Variants in OTOA observed in about 807,000 individuals in gnomAD.
OTOA encodes the protein cancer/testis antigen 108.
Under a neutral mutation model 110.8 loss-of-function variants are expected in OTOA, and 70 were observed. The ratio of observed to expected loss-of-function variants is 0.63; its 90% confidence interval spans 0.52 to 0.77. The LOEUF (loss-of-function observed/expected upper bound fraction) is 0.77. OTOA is among the 30% of genes least tolerant of loss of function. OTOA has a pLI of 0.00. For synonymous variants in OTOA, 373 were observed against 431.5 expected (o/e 0.86, Z 1.68); for missense variants, 917 against 1,075.8 (o/e 0.85, Z 2.06).
intron 13 of OTOA, among the ~76,000 whole-genome samples, chr16:21,712,899 T>C (rs1292723140): frequency 1.3e-5 from 2 of 152,138 alleles, no homozygotes; most frequent in Admixed American, 6.6e-5. Context: ...TTAAGAGTTA[T>C]AGAGTAGAAT....
At chr16:21,690,084 T>A (rs1005972844) in intron 8 of OTOA, among the ~76,000 whole-genome samples, 10 of 152,026 alleles carry the variant, frequency 6.6e-5, no homozygotes, top group African/African-American at 2.4e-4. Context: ...GGTGAGGAAG[T>A]GGAGACAATA....
chr16:21,686,566 T>C (rs955676979), intron 7 of OTOA, among the ~76,000 whole-genome samples: 1 of 152,096 alleles, frequency 6.6e-6, no homozygotes, highest in Non-Finnish European at 1.5e-5. Flanking sequence ...ATGCTGGGGT[T>C]ATAGATGTGA....
intron 19 of OTOA, 145 bp from the exon 20 acceptor site, chr16:21,728,096 C>A: frequency 1.0e-6 from 1 of 996,316 alleles, no homozygotes; most frequent in South Asian, 1.3e-5. Context: ...AACTCCTGGC[C>A]TCAAATGATC....
chr16:21,693,553 A>G (rs1330475324), intron 9 of OTOA, among the ~76,000 whole-genome samples: 2 of 152,128 alleles, frequency 1.3e-5, no homozygotes, highest in Admixed American at 1.3e-4. Flanking sequence ...GAGAACTTAG[A>G]AATTTAGATA....
At chr16:21,719,548 C>A in intron 17 of OTOA, 44 bp downstream of exon 17, 1 of 1,538,934 alleles carries the variant, frequency 6.5e-7, no homozygotes, top group Non-Finnish European at 9.0e-7. Context: ...CTCTCCCTAC[C>A]CCAGTCACTG....
At chr16:21,669,244 G>A (rs986714487) in intron 1 of OTOA, among the ~76,000 whole-genome samples, 1 of 152,060 alleles carries the variant, frequency 6.6e-6, no homozygotes, top group Non-Finnish European at 1.5e-5. Flanking sequence ...TCGGGAGGTT[G>A]AGACACAAGA....
chr16:21,695,367 C>T (rs1194756231), intron 9 of OTOA, among the ~76,000 whole-genome samples: 1 of 149,394 alleles, frequency 6.7e-6, no homozygotes, highest in African/African-American at 2.5e-5. Flanking sequence ...GCCTGGACAA[C>T]AGAGGAAGAA....
At chr16:21,705,776 T>C (rs1898152967) in intron 12 of OTOA, among the ~76,000 whole-genome samples, 1 of 152,012 alleles carries the variant, frequency 6.6e-6, no homozygotes, top group African/African-American at 2.4e-5. Flanking sequence ...AAACCCTGTC[T>C]CTACTAAAAA....
intron 12 of OTOA, 29 bp downstream of exon 12, chr16:21,705,321 C>T (rs1898140656): frequency 6.2e-7 from 1 of 1,612,984 alleles, no homozygotes; most frequent in African/African-American, 1.3e-5. Flanking sequence ...GCCCTGAGGC[C>T]TCTGCCTCAG....
intron 28 of OTOA, among the ~76,000 whole-genome samples, chr16:21,760,059 C>A (rs1900119661): frequency 6.6e-6 from 1 of 151,912 alleles, no homozygotes; most frequent in Non-Finnish European, 1.5e-5. Context: ...CCTTCATTCA[C>A]CCCAAGGGCC....
chr16:21,695,512 T>C (rs1437836099), intron 9 of OTOA, among the ~76,000 whole-genome samples: 1 of 152,068 alleles, frequency 6.6e-6, no homozygotes, highest in Non-Finnish European at 1.5e-5. Flanking sequence ...TCCAGCCCTC[T>C]ATATAGGCAA....
In OTOA at chr16:21,678,915, A is replaced by G; in HGVS notation, c.92A>G (p.Asp31Gly). Reference protein sequence around the residue: ...SSYTVPNSRQDLHPLLQNMAE... With the variant: ...SSYTVPNSRQGLHPLLQNMAE... ...TATACATTCAATGGCTTTCTTACAG[A>G]TTTGCATCCATTGTTGCAAAACATG... The change falls in exon 3 of 29, where the codon GAT (aspartate) becomes GGT (glycine). Residue 31 changes from aspartate to glycine, a missense_variant and splice_region_variant. This residue lies in a region of OTOA where 840 missense variants were observed against 910.2 expected (regional missense o/e 0.92). Transcript: ENST00000646100. 6.2e-7 allele frequency: 1 copy of G among 1,613,216 alleles called. No homozygotes were observed. The highest frequency in any genetic ancestry group is 8.5e-7 in the Non-Finnish European group (1 of 1,179,892).
At chr16:21,675,053 T>TTTTC (rs1203820212) in intron 1 of OTOA, among the ~76,000 whole-genome samples, 43 of 142,776 alleles carry the variant, frequency 3.0e-4, no homozygotes, top group Middle Eastern at 3.5e-3. Flanking sequence ...TGAGGTCATG[T>TTTTC]TTTCTTTCTG....
chr16:21,758,796 T>A (rs1307979921), intron 28 of OTOA, among the ~76,000 whole-genome samples: 1 of 150,102 alleles, frequency 6.7e-6, no homozygotes, highest in African/African-American at 2.5e-5. Context: ...AGGTCAGGAG[T>A]TTTGAGACCA....
rs1898104582 is a variant in OTOA at position 21,704,003 on chromosome 16, G to A, written c.981-1166G>A. ...TCTGTACAGTATGGGAGTACAGAGT[G>A]TGCACTGCAGAACTGTGTATAGCGG... On this transcript the variant is annotated intron_variant, in intron 11 of 28. Transcript: ENST00000646100. Among the ~76,000 whole-genome samples the A allele has an allele frequency of 2.0e-5, 3 of 152,288 alleles. 1 individual carries two copies. Among genetic ancestry groups the A allele is most frequent in the South Asian group, 4.1e-4 (2 of 4,830 alleles).
At position 21,700,924 on chromosome 16, in the gene OTOA, C is replaced by T. The variant is rs2141675686; in HGVS notation, c.877C>T (p.Gln293Ter). The T allele has an allele frequency of 6.2e-7, 1 of 1,614,078 alleles. No individual in the cohort carries two copies. The highest frequency in any genetic ancestry group is 8.5e-7 in the Non-Finnish European group (1 of 1,180,022). Residue 293 changes from glutamine (Q) to a stop codon, truncating the protein, a stop_gained, in exon 11 of 29, where the codon CAG becomes TAG. Coordinates refer to ENST00000646100, the MANE Select transcript of OTOA (RefSeq NM_144672.4). LOFTEE classifies it high-confidence loss of function. Reference sequence around the variant, plus strand: ...TATCAGCTATGACAACGCCACCAAGCAGCTGGACATGGTCTATGACATCAC... The same window carrying T: ...TATCAGCTATGACAACGCCACCAAGTAGCTGGACATGGTCTATGACATCAC... ...LFISYDNATK[Q>*]LDMVYDITPE...
At chr16:21,719,645 G>A (rs575053725) in intron 17 of OTOA, 141 bp downstream of exon 17, 2 of 817,894 alleles carry the variant, frequency 2.4e-6, no homozygotes, top group East Asian at 4.9e-5. Flanking sequence ...ATTGAGCCAG[G>A]TTTTTTCCAG....
intron 1 of OTOA, among the ~76,000 whole-genome samples, chr16:21,672,456 C>T (rs1966850512): frequency 6.6e-6 from 1 of 152,020 alleles, no homozygotes; most frequent in Non-Finnish European, 1.5e-5. Flanking sequence ...AACCCCATCT[C>T]TACTAAAAAT....
At chr16:21,683,697 C>A (rs1966939171) in intron 6 of OTOA, among the ~76,000 whole-genome samples, 1 of 151,672 alleles carries the variant, frequency 6.6e-6, no homozygotes, top group Non-Finnish European at 1.5e-5. Flanking sequence ...CAGAGCAAGA[C>A]CCCGTCTCTA....
Sources: allele counts gnomAD v4.1 joint callset (sites outside exome capture counted in the v4.1 genomes callset), GRCh38; gene constraint gnomAD v4.1.1; regional missense constraint gnomAD v4.1.1; transcripts MANE v1.5; gene names NCBI Gene and HGNC (gene_info 2026-07-23, HGNC 2026-07-21).